ZNF438: variants seen among roughly 807,000 people sequenced by gnomAD.
The protein encoded by ZNF438 is zinc finger protein 438.
In ZNF438, 25 loss-of-function variants were observed where a neutral mutation model predicts 38.0. The observed-to-expected ratio is 0.66, with a 90% confidence interval of 0.48 to 0.92. The LOEUF (loss-of-function observed/expected upper bound fraction) is 0.92. ZNF438 is among the 40% of genes least tolerant of loss of function. The pLI, the probability that ZNF438 is intolerant of heterozygous loss-of-function variation, is 0.00. For missense variants in ZNF438, 1,007 were observed against 999.6 expected (o/e 1.01, Z -0.10); for synonymous variants, 372 against 364.1 (o/e 1.02, Z -0.25).
intron 4 of ZNF438, among the ~76,000 whole-genome samples, chr10:30,854,047 C>T (rs540957412): frequency 4.0e-5 from 6 of 148,786 alleles, no homozygotes; most frequent in Non-Finnish European, 6.0e-5. Context: ...AGGCCGGGCA[C>T]GGTGGCTCAC....
At chr10:30,982,904 G>C (rs2052372558) in intron 1 of ZNF438, among the ~76,000 whole-genome samples, 1 of 152,128 alleles carries the variant, frequency 6.6e-6, no homozygotes, top group Admixed American at 6.5e-5. Context: ...TACAGAAATG[G>C]ATATGTAAGA....
intron 1 of ZNF438, among the ~76,000 whole-genome samples, chr10:30,959,352 T>C (rs1237361796): frequency 6.8e-6 from 1 of 146,684 alleles, no homozygotes. Flanking sequence ...GCAGACTCCC[T>C]TCAGACTTCA....
intron 1 of ZNF438, among the ~76,000 whole-genome samples, chr10:30,996,790 A>T (rs2054090756): frequency 6.6e-6 from 1 of 152,154 alleles, no homozygotes; most frequent in Non-Finnish European, 1.5e-5. Flanking sequence ...AAGAGACCAC[A>T]TGCTAGGCCA....
chr10:30,967,769 C>G (rs920887708), intron 1 of ZNF438, among the ~76,000 whole-genome samples: 2 of 152,132 alleles, frequency 1.3e-5, no homozygotes, highest in Non-Finnish European at 2.9e-5. Flanking sequence ...ACAAGATCAC[C>G]TGGGACACAC....
At position 30,849,827 on chromosome 10, in the gene ZNF438, G is replaced by A. The variant is rs752158068; in HGVS notation, c.578C>T (p.Ala193Val). ...CCCATGGTCACTTCCATTGGTCAGC[G>A]CAGCTGTGCTAATGCTGGCTGGGGC... Residue 193 changes from alanine to valine, a missense_variant, in exon 5 of 6, where the codon GCG becomes GTG. By Grantham distance (64) the Ala-to-Val change is moderately conservative. Transcript: ENST00000413025. 42 of 1,614,032 alleles carry A rather than the reference G, an allele frequency of 2.6e-5. No homozygotes were observed. Among genetic ancestry groups the A allele is most frequent in the African/African-American group, 1.3e-4 (10 of 74,884 alleles).
intron 3 of ZNF438, among the ~76,000 whole-genome samples, chr10:30,899,276 A>C (rs2041716181): frequency 6.6e-6 from 1 of 152,250 alleles, no homozygotes; most frequent in Non-Finnish European, 1.5e-5. Flanking sequence ...AGGGGAAAGA[A>C]GATGCTAAAT....
chr10:30,953,413 TA>T (rs1564725673), intron 1 of ZNF438, among the ~76,000 whole-genome samples: 1 of 150,436 alleles, frequency 6.6e-6, no homozygotes, highest in South Asian at 2.1e-4. Flanking sequence ...AAAAAAAATT[TA>T]AAAAATTAAA....
At chr10:30,957,308 T>G (rs2048969071) in intron 1 of ZNF438, among the ~76,000 whole-genome samples, 1 of 152,174 alleles carries the variant, frequency 6.6e-6, no homozygotes, top group African/African-American at 2.4e-5. Flanking sequence ...TTGTCAGATG[T>G]GTAGTTAGCT....
At chr10:30,920,685 G>C (rs766927515) in intron 2 of ZNF438, 15 of 152,200 alleles carry the variant, frequency 9.9e-5, no homozygotes, top group Non-Finnish European at 1.6e-4. Flanking sequence ...TGCAGGATCA[G>C]TTATAAAGAG....
chr10:31,015,462 G>A (rs562697675), intron 1 of ZNF438, among the ~76,000 whole-genome samples: 39 of 152,050 alleles, frequency 2.6e-4, no homozygotes, highest in Non-Finnish European at 5.1e-4. Flanking sequence ...TGGCCAACAC[G>A]GTGAAACCCC....
At chr10:30,961,825 T>C (rs2049523578) in intron 1 of ZNF438, among the ~76,000 whole-genome samples, 1 of 142,324 alleles carries the variant, frequency 7.0e-6, no homozygotes, top group Non-Finnish European at 1.6e-5. Flanking sequence ...GAGGTGGAGG[T>C]TGCAGTGGGC....
rs139186998 is a variant in ZNF438 at position 30,848,751 on chromosome 10, T to C, written c.1654A>G (p.Thr552Ala). The C allele has an allele frequency of 4.5e-3, 7,202 of 1,614,114 alleles. 29 individuals are homozygous for C. Among genetic ancestry groups the C allele is most frequent in the Non-Finnish European group, 4.6e-3 (5,421 of 1,180,042 alleles). ...TCACCATGATGAAGTTTCATGTGTG[T>C]GCTCAGGCTGCCAGGACGTACATAG... Residue 552 changes from threonine to alanine, a missense_variant, in exon 5 of 6, where the codon ACA (threonine) becomes GCA (alanine). Physicochemically the swap from Thr to Ala is moderately conservative, Grantham distance 58 (BLOSUM62 0). Transcript: ENST00000413025.
At chr10:30,857,144 G>C (rs910805540) in intron 4 of ZNF438, among the ~76,000 whole-genome samples, 1 of 152,006 alleles carries the variant, frequency 6.6e-6, no homozygotes, top group Admixed American at 6.6e-5. Flanking sequence ...TCAAAGGGCA[G>C]GGGGATTATA....
In ZNF438 at chr10:30,858,261, T is replaced by C. The variant is rs1406185638; in HGVS notation, c.38-7894A>G. On this transcript the variant is annotated intron_variant, in intron 4 of 5. Transcript: ENST00000413025. ...CTGAAATACTCTATTTTCAATTTCA[T>C]TCGTTGTTATCCCTGTTTTCCCTGC... Among the ~76,000 whole-genome samples the C allele has an allele frequency of 3.3e-5, 5 of 152,386 alleles. 1 individual carries two copies. Among genetic ancestry groups the C allele is most frequent in the African/African-American group, 1.2e-4 (5 of 41,596 alleles).
intron 3 of ZNF438, among the ~76,000 whole-genome samples, chr10:30,888,204 T>C (rs541646023): frequency 4.6e-5 from 7 of 152,240 alleles, no homozygotes; most frequent in Non-Finnish European, 7.4e-5. Flanking sequence ...TTAGAAGCAA[T>C]TGCTTGTTCT....
intron 4 of ZNF438, among the ~76,000 whole-genome samples, chr10:30,859,045 A>C (rs910860952): frequency 1.3e-5 from 2 of 152,126 alleles, no homozygotes; most frequent in Non-Finnish European, 2.9e-5. Flanking sequence ...GCATTATCTC[A>C]CTTAATACCC....
chr10:30,930,803 C>CAAAAAAAAAAA lies in ZNF438; in HGVS notation c.-115+10761_-115+10771dup, dbSNP rs71527620. ...GCCTGGCGACAGAGAGAAACTCAGT[C>CAAAAAAAAAAA]AAAAAAAAAAAAAAAAAAAAAAAAA... On this transcript the variant is annotated intron_variant, in intron 2 of 5. Transcript: ENST00000413025. 2.2e-3 allele frequency among the ~76,000 whole-genome samples: 84 copies of CAAAAAAAAAAA among 38,432 alleles called. 4 individuals carry two copies. Among genetic ancestry groups the CAAAAAAAAAAA allele is most frequent in the African/African-American group, 4.5e-3 (55 of 12,220 alleles). 25.2% of individuals were successfully genotyped at this position (38,432 alleles called of 152,430 possible). A position where few individuals can be genotyped will look rare whatever the true frequency, so the allele number is the denominator to read the frequency against.
intron 3 of ZNF438, among the ~76,000 whole-genome samples, chr10:30,889,804 C>G (rs1236952316): frequency 2.6e-5 from 4 of 152,128 alleles, no homozygotes; most frequent in Non-Finnish European, 2.9e-5. Context: ...GAGTTAAAAA[C>G]CTGGGGAACT....
intron 1 of ZNF438, among the ~76,000 whole-genome samples, chr10:31,024,879 A>T (rs2056841960): frequency 6.6e-6 from 1 of 152,248 alleles, no homozygotes; most frequent in Non-Finnish European, 1.5e-5. Context: ...AATAAAGGGA[A>T]TTCACACTAG....
Sources: allele counts gnomAD v4.1 joint callset (sites outside exome capture counted in the v4.1 genomes callset), GRCh38; gene constraint gnomAD v4.1.1; transcripts MANE v1.5; gene names NCBI Gene and HGNC (gene_info 2026-07-23, HGNC 2026-07-21).